MGAM: variants seen among roughly 807,000 people sequenced by gnomAD.
The protein encoded by MGAM is alpha-1,4-glucosidase.
In MGAM, 253 loss-of-function variants were observed where a neutral mutation model predicts 358.8. The observed-to-expected ratio is 0.71, with a 90% CI of 0.64 to 0.78. MGAM has a LOEUF of 0.78. Among genes scored for constraint, MGAM ranks in the 30% least tolerant of loss-of-function variants. MGAM has a pLI of 0.00. For synonymous variants in MGAM, 1,105 were observed against 1,227.1 expected, an observed-to-expected ratio of 0.90 and a Z score of 2.08; for missense variants, 3,080 against 3,432.6, an observed-to-expected ratio of 0.90 and a Z score of 2.57.
At chr7:142,041,942 AT>A (rs1563144753) in intron 21 of MGAM, among the ~76,000 whole-genome samples, 1 of 16,900 alleles carries the variant, frequency 5.9e-5, no homozygotes, top group African/African-American at 1.6e-4. Flanking sequence ...TATATATTAT[AT>A]ATATACATAT....
intron 24 of MGAM, 113 bp from the exon 25 acceptor site, chr7:142,052,181 T>A: frequency 1.1e-6 from 1 of 876,146 alleles, no homozygotes; most frequent in African/African-American, 1.7e-5. Flanking sequence ...GTTGCTTGGA[T>A]GTTTGAAAGT....
intron 19 of MGAM, 89 bp downstream of exon 19, chr7:142,038,704 C>T (rs8180874): frequency 0.59 from 560,686 of 951,360 alleles, 167,072 homozygotes; most frequent in African/African-American, 0.73. Context: ...TCCAAACTCA[C>T]TTCTGACATC....
At chr7:142,104,646 A>G (rs1033109709) in intron 70 of MGAM, among the ~76,000 whole-genome samples, 3 of 152,206 alleles carry the variant, frequency 2.0e-5, no homozygotes, top group African/African-American at 7.2e-5. Flanking sequence ...CCATCCATTC[A>G]TAACACAGTA....
intron 3 of MGAM, among the ~76,000 whole-genome samples, chr7:142,013,759 T>C (rs1805774111): frequency 6.6e-6 from 1 of 152,200 alleles, no homozygotes; most frequent in South Asian, 2.1e-4. Flanking sequence ...CAGATTCCTT[T>C]AGGTTTTTTC....
rs1211051930 is a variant in MGAM, at chr7:142,056,818, C to A, written c.3581-12C>A. ...GGTGTCCGTGAGGCTTGGCATTTTT[C>A]TTTATTTTCAGATGTGACGTTCCAG... is the stretch of plus-strand genomic sequence containing the variant. On this transcript the variant is annotated splice_polypyrimidine_tract_variant and intron_variant, in intron 29 of 70. Transcript: ENST00000475668. 1 of 1,612,858 alleles carries A rather than the reference C, an allele frequency of 6.2e-7. No homozygotes were observed. Among genetic ancestry groups the A allele is most frequent in the Non-Finnish European group, 8.5e-7 (1 of 1,179,520 alleles).
At chr7:141,995,758 G>A (rs1451940649), upstream of MGAM, 1 of 152,110 alleles carries the variant, frequency 6.6e-6, no homozygotes, top group Non-Finnish European at 1.5e-5. Context: ...TAAAAATTCT[G>A]ATCCTGGAAA....
intron 50 of MGAM, 27 bp from the exon 51 acceptor site, chr7:142,082,015 T>C: frequency 6.5e-7 from 1 of 1,550,186 alleles, no homozygotes; most frequent in Admixed American, 1.7e-5. Context: ...CCATTTTCTG[T>C]TTCAAATCTG....
intron 3 of MGAM, among the ~76,000 whole-genome samples, chr7:142,010,186 C>CT (rs1554453943): frequency 6.6e-6 from 1 of 152,060 alleles, no homozygotes; most frequent in Non-Finnish European, 1.5e-5. Context: ...TTGGGAGACT[C>CT]TTCTTTGGAG....
chr7:142,079,169 T>C (rs1404066911), intron 49 of MGAM, among the ~76,000 whole-genome samples, 161 bp downstream of exon 49: 1 of 146,192 alleles, frequency 6.8e-6, no homozygotes, highest in Non-Finnish European at 1.5e-5. Context: ...CAATGAGACC[T>C]GCCCTAATTT....
chr7:142,001,561 T>G (rs770213865), intron 1 of MGAM, among the ~76,000 whole-genome samples: 1 of 152,190 alleles, frequency 6.6e-6, no homozygotes, highest in African/African-American at 2.4e-5. Context: ...CAAGCATTGG[T>G]GGGTTGGTGG....
intron 34 of MGAM, among the ~76,000 whole-genome samples, chr7:142,061,451 T>A (rs1264282326): frequency 6.6e-6 from 1 of 152,178 alleles, no homozygotes; most frequent in Admixed American, 6.5e-5. Flanking sequence ...CTCTGTGATG[T>A]GACCCACTGT....
chr7:142,018,568 G>C (rs1288983185), intron 3 of MGAM, among the ~76,000 whole-genome samples: 2 of 152,128 alleles, frequency 1.3e-5, no homozygotes, highest in East Asian at 3.9e-4. Context: ...AAATTAGTTG[G>C]TGTGAGAAAG....
At chr7:142,030,782 C>A (rs775200112) in intron 12 of MGAM, 25 bp downstream of exon 12, 126 of 1,483,752 alleles carry the variant, frequency 8.5e-5, no homozygotes, top group Admixed American at 2.7e-4. Flanking sequence ...AGGCTGGAGG[C>A]TGGTGGAGGG....
At chr7:142,079,055 C>T in intron 49 of MGAM, 47 bp downstream of exon 49, 1 of 1,442,894 alleles carries the variant, frequency 6.9e-7, no homozygotes, top group African/African-American at 1.4e-5. Context: ...CTTTTCAGTT[C>T]CATTATCTTT....
intron 60 of MGAM, 115 bp downstream of exon 60, chr7:142,093,665 G>A: frequency 8.8e-7 from 1 of 1,142,492 alleles, no homozygotes; most frequent in Non-Finnish European, 1.2e-6. Context: ...AGATTCTCAT[G>A]ACAACTGTGT....
intron 42 of MGAM, among the ~76,000 whole-genome samples, chr7:142,067,958 ATATAT>A (rs1812944965): frequency 3.4e-5 from 1 of 29,506 alleles, no homozygotes; most frequent in Non-Finnish European, 8.4e-5. Context: ...ATATATATAT[ATATAT>A]AAATATATAT....
Position 142,080,262 on chromosome 7 carries a change from A to T in MGAM, c.5848-529A>T, listed in dbSNP as rs1193494459. On this transcript the variant is annotated intron_variant, in intron 49 of 70. Coordinates refer to ENST00000475668, the MANE Select transcript of MGAM (RefSeq NM_001365693.1). ...TGTGAGCTGCTCTCTTACACTTCTC[A>T]TTTGCTTGTGAATTTCATAAAACCA... Among the ~76,000 whole-genome samples, 2 of 145,836 alleles carry T rather than the reference A, an allele frequency of 1.4e-5. 1 individual carries two copies. Among genetic ancestry groups the T allele is most frequent in the Non-Finnish European group, 3.1e-5 (2 of 64,460 alleles).
intron 1 of MGAM, among the ~76,000 whole-genome samples, chr7:142,003,786 G>T (rs909609237): frequency 6.6e-6 from 1 of 151,778 alleles, no homozygotes; most frequent in African/African-American, 2.4e-5. Flanking sequence ...TAAAATATTT[G>T]CAAACAGTGT....
At chr7:141,997,498 A>G (rs1379152633) in intron 1 of MGAM, among the ~76,000 whole-genome samples, 1 of 152,254 alleles carries the variant, frequency 6.6e-6, no homozygotes, top group African/African-American at 2.4e-5. Context: ...TAATAAAATT[A>G]CTATAAAAAT....
Sources: allele counts gnomAD v4.1 joint callset (sites outside exome capture counted in the v4.1 genomes callset), GRCh38; gene constraint gnomAD v4.1.1; transcripts MANE v1.5; gene names NCBI Gene and HGNC (gene_info 2026-07-23, HGNC 2026-07-21).